WDR70: variants seen among roughly 807,000 people sequenced by gnomAD.
WDR70 encodes the protein WD repeat-containing protein 70.
In WDR70, 53 loss-of-function variants were observed where a neutral mutation model predicts 88.6. The ratio of observed to expected loss-of-function variants is 0.60; its 90% CI spans 0.48 to 0.75. The LOEUF (loss-of-function observed/expected upper bound fraction) is 0.75. WDR70 is among the 30% of genes least tolerant of loss of function. The pLI is 0.00. For missense variants in WDR70, 610 were observed against 823.2 expected (o/e 0.74, Z 3.17); for synonymous variants, 280 against 270.0 (o/e 1.04, Z -0.36).
chr5:37,727,213 A>G (rs1369656791), intron 17 of WDR70, among the ~76,000 whole-genome samples, 168 bp downstream of exon 17: 1 of 152,166 alleles, frequency 6.6e-6, no homozygotes, highest in Non-Finnish European at 1.5e-5. Flanking sequence ...TGTATGTATC[A>G]TAAGACTCTA....
intron 9 of WDR70, among the ~76,000 whole-genome samples, chr5:37,542,705 G>A (rs1741865249): frequency 6.6e-6 from 1 of 152,110 alleles, no homozygotes; most frequent in Non-Finnish European, 1.5e-5. Flanking sequence ...TGTGAACCTT[G>A]ATCTCATCTT....
At chr5:37,742,045 A>C (rs891645318) in intron 17 of WDR70, among the ~76,000 whole-genome samples, 1 of 152,198 alleles carries the variant, frequency 6.6e-6, no homozygotes, top group African/African-American at 2.4e-5. Context: ...GCTCTTGTGA[A>C]TAATGCTGCC....
At chr5:37,571,028 A>T (rs1742884542) in intron 9 of WDR70, among the ~76,000 whole-genome samples, 1 of 151,772 alleles carries the variant, frequency 6.6e-6, no homozygotes, top group Non-Finnish European at 1.5e-5. Context: ...TTTTTTTAGG[A>T]CTGGCATCTT....
chr5:37,487,031 T>C (rs1400452821), intron 8 of WDR70, among the ~76,000 whole-genome samples: 1 of 152,206 alleles, frequency 6.6e-6, no homozygotes, highest in Non-Finnish European at 1.5e-5. Context: ...GTCATCCATA[T>C]AGAAAGATGA....
At chr5:37,562,882 A>C (rs573948469) in intron 9 of WDR70, among the ~76,000 whole-genome samples, 53 of 151,638 alleles carry the variant, frequency 3.5e-4, no homozygotes, top group African/African-American at 1.2e-3. Flanking sequence ...TCGATTTCTC[A>C]ATCTTTTCCC....
chr5:37,425,074 T>C (rs890022194), intron 5 of WDR70, among the ~76,000 whole-genome samples: 9 of 152,164 alleles, frequency 5.9e-5, no homozygotes, highest in African/African-American at 1.7e-4. Flanking sequence ...GGCAAAACCC[T>C]GTCTCTACAA....
intron 9 of WDR70, among the ~76,000 whole-genome samples, chr5:37,583,175 C>T (rs933514273): frequency 1.3e-5 from 2 of 152,076 alleles, no homozygotes; most frequent in African/African-American, 4.8e-5. Flanking sequence ...GCCTGTAATC[C>T]CGGCACTTTG....
At chr5:37,523,694 G>A (rs1323594821) in intron 9 of WDR70, among the ~76,000 whole-genome samples, 2 of 152,204 alleles carry the variant, frequency 1.3e-5, no homozygotes, top group African/African-American at 4.8e-5. Flanking sequence ...GTTAAAGGAG[G>A]AAGTTCGAAC....
chr5:37,649,256 A>G (rs1745324693), intron 10 of WDR70, among the ~76,000 whole-genome samples: 1 of 152,036 alleles, frequency 6.6e-6, no homozygotes, highest in Admixed American at 6.6e-5. Context: ...ATTCAGCTGC[A>G]TCTAGACCAA....
At chr5:37,463,117 C>A (rs1387904177) in intron 7 of WDR70, among the ~76,000 whole-genome samples, 1 of 152,048 alleles carries the variant, frequency 6.6e-6, no homozygotes. Context: ...ACTAAAAATA[C>A]AAAAATTAGC....
intron 7 of WDR70, among the ~76,000 whole-genome samples, chr5:37,472,631 A>G (rs965183782): frequency 1.3e-5 from 2 of 151,906 alleles, no homozygotes; most frequent in African/African-American, 4.9e-5. Context: ...AGTAGCTGGG[A>G]TTTAACAGAC....
At chr5:37,740,642 C>T (rs1379917347) in intron 17 of WDR70, among the ~76,000 whole-genome samples, 1 of 152,136 alleles carries the variant, frequency 6.6e-6, no homozygotes, top group African/African-American at 2.4e-5. Context: ...CCTAACTCCC[C>T]AAAATCAAAG....
intron 13 of WDR70, among the ~76,000 whole-genome samples, chr5:37,704,156 C>A (rs1747251215): frequency 6.6e-6 from 1 of 152,162 alleles, no homozygotes; most frequent in South Asian, 2.1e-4. Flanking sequence ...TTAATAGATT[C>A]TAATCTCATG....
chr5:37,704,392 G>A (rs1446231159), intron 13 of WDR70, among the ~76,000 whole-genome samples: 1 of 152,106 alleles, frequency 6.6e-6, no homozygotes, highest in African/African-American at 2.4e-5. Context: ...AGCTTAAGTT[G>A]AACTGTAAAT....
chr5:37,543,367 T>C (rs1741887237), intron 9 of WDR70, among the ~76,000 whole-genome samples: 1 of 152,220 alleles, frequency 6.6e-6, no homozygotes, highest in South Asian at 2.1e-4. Context: ...AACCTGTTTA[T>C]GAAGAAAAAT....
At chr5:37,706,274 C>T (rs1747318006) in intron 13 of WDR70, among the ~76,000 whole-genome samples, 4 of 152,148 alleles carry the variant, frequency 2.6e-5, no homozygotes, top group Admixed American at 2.6e-4. Flanking sequence ...TTTGCTATTT[C>T]ACCATACGAT....
In WDR70 at chr5:37,396,139, C is replaced by G. The variant is rs555075757; in HGVS notation, c.297-236C>G. On this transcript the variant is annotated intron_variant, in intron 4 of 17. Coordinates refer to ENST00000265107, the MANE Select transcript of WDR70 (RefSeq NM_018034.4). ...TGAGTGCTAATGGTCTAATGGCTGT[C>G]TAACATATAATTGCTGTGACCCTTT... 2.6e-5 allele frequency among the ~76,000 whole-genome samples: 4 copies of G among 152,096 alleles called. No individual in the cohort carries two copies. In the South Asian group the frequency reaches 8.3e-4, roughly 32 times the overall value.
chr5:37,632,238 G>A (rs989832470), intron 10 of WDR70, among the ~76,000 whole-genome samples: 1 of 152,136 alleles, frequency 6.6e-6, no homozygotes, highest in African/African-American at 2.4e-5. Context: ...TAAAAGTAGA[G>A]CAGATACAGT....
intron 17 of WDR70, among the ~76,000 whole-genome samples, chr5:37,732,940 C>T (rs193000815): frequency 9.7e-4 from 147 of 152,036 alleles, no homozygotes; most frequent in African/African-American, 3.4e-3. Context: ...CCCTCATATT[C>T]CCACTCAATA....
Sources: allele counts gnomAD v4.1 joint callset (sites outside exome capture counted in the v4.1 genomes callset), GRCh38; gene constraint gnomAD v4.1.1; transcripts MANE v1.5; gene names NCBI Gene and HGNC (gene_info 2026-07-23, HGNC 2026-07-21).